WARS2: variants seen among roughly 807,000 people sequenced by gnomAD.
The protein encoded by WARS2 is tryptophan--tRNA ligase, mitochondrial.
In WARS2, 28 loss-of-function variants were observed where a neutral mutation model predicts 36.5. The observed-to-expected ratio is 0.77, with a 90% CI of 0.57 to 1.05. WARS2 has a LOEUF of 1.05. Ranked by LOEUF, WARS2 falls within the 50% of genes least tolerant of loss-of-function variation. The pLI, the probability that WARS2 is intolerant of heterozygous loss-of-function variation, is 0.00. For missense variants in WARS2, 435 were observed against 456.8 expected (o/e 0.95, Z 0.44); for synonymous variants, 174 against 178.4 (o/e 0.98, Z 0.20).
intron 1 of WARS2, among the ~76,000 whole-genome samples, chr1:119,138,283 T>C (rs1656655034): frequency 6.6e-6 from 1 of 152,158 alleles, no homozygotes; most frequent in Admixed American, 6.5e-5. Flanking sequence ...AAAAAGAAGA[T>C]ACATACAGGA....
At chr1:119,122,155 C>A (rs148548054) in intron 1 of WARS2, among the ~76,000 whole-genome samples, 60 of 152,240 alleles carry the variant, frequency 3.9e-4, no homozygotes, top group African/African-American at 1.4e-3. Context: ...TGACAAAGGA[C>A]TAATATCCAG....
chr1:119,044,316 C>T (rs1345477677), intron 3 of WARS2, among the ~76,000 whole-genome samples: 2 of 152,162 alleles, frequency 1.3e-5, no homozygotes, highest in African/African-American at 4.8e-5. Flanking sequence ...TCTTTAGATG[C>T]TGTTTTAAAG....
At chr1:119,124,561 A>G (rs1410239402) in intron 1 of WARS2, among the ~76,000 whole-genome samples, 2 of 151,970 alleles carry the variant, frequency 1.3e-5, no homozygotes, top group Admixed American at 1.3e-4. Context: ...AATATCCAGA[A>G]CCTGATCATG....
intron 2 of WARS2, among the ~76,000 whole-genome samples, chr1:119,076,029 A>G (rs1355521553): frequency 1.3e-5 from 2 of 152,232 alleles, no homozygotes; most frequent in African/African-American, 4.8e-5. Flanking sequence ...CAACAACACA[A>G]AGTAATCAGT....
At chr1:119,118,255 TAA>T (rs1406805375) in intron 1 of WARS2, among the ~76,000 whole-genome samples, 1 of 151,632 alleles carries the variant, frequency 6.6e-6, no homozygotes, top group Admixed American at 6.6e-5. Flanking sequence ...CTTCTGGAAA[TAA>T]AAGACACATT....
intron 1 of WARS2, among the ~76,000 whole-genome samples, chr1:119,128,995 G>A (rs587732239): frequency 1.3e-5 from 2 of 152,284 alleles, no homozygotes; most frequent in Admixed American, 1.3e-4. Context: ...AAATGGTGCA[G>A]GAGATGTCAT....
At chr1:119,109,409 T>C (rs1654467601) in intron 1 of WARS2, among the ~76,000 whole-genome samples, 1 of 152,012 alleles carries the variant, frequency 6.6e-6, no homozygotes, top group Non-Finnish European at 1.5e-5. Context: ...ATCATGTCTT[T>C]TTAGAGAATT....
At chr1:119,070,790 T>A (rs1193192336) in intron 2 of WARS2, among the ~76,000 whole-genome samples, 2 of 152,084 alleles carry the variant, frequency 1.3e-5, no homozygotes, top group Non-Finnish European at 2.9e-5. Flanking sequence ...AGCATTTTTT[T>A]ATAAATCTGA....
chr1:119,048,393 C>G (rs1186929161), intron 2 of WARS2, among the ~76,000 whole-genome samples: 1 of 152,200 alleles, frequency 6.6e-6, no homozygotes, highest in East Asian at 1.9e-4. Flanking sequence ...CATATAGTAA[C>G]TACTCAATAA....
rs1327809036 is a variant in WARS2, at chr1:119,031,468, A to C, written c.*1443T>G. 1.3e-5 allele frequency: 2 copies of C among 152,224 alleles called. No homozygotes were observed. The highest frequency in any genetic ancestry group is 2.9e-5 in the Non-Finnish European group (2 of 68,044). The allele number at this position is 152,224 out of a possible 1,614,324, so 9.4% of individuals were successfully genotyped here. ...CTGGGATGGGGCGTTTTGTGGATTA[A>C]CATGTGTTCTGACACAAGGACTACT... On this transcript the variant is annotated 3_prime_UTR_variant, in exon 6 of 6. Coordinates refer to ENST00000235521, the MANE Select transcript of WARS2 (RefSeq NM_015836.4).
chr1:119,120,627 G>C (rs958221994), intron 1 of WARS2, among the ~76,000 whole-genome samples: 1 of 152,012 alleles, frequency 6.6e-6, no homozygotes, highest in African/African-American at 2.4e-5. Context: ...TATCCCTGAT[G>C]AACATAGATG....
intron 1 of WARS2, chr1:119,139,846 CCTGA>C (rs1210906749): frequency 6.6e-6 from 1 of 152,136 alleles, no homozygotes; most frequent in African/African-American, 2.4e-5. Flanking sequence ...ATCCCCTCCC[CCTGA>C]CTTTTTTGCT....
At chr1:119,104,526 G>T (rs1443323480) in intron 1 of WARS2, among the ~76,000 whole-genome samples, 1 of 151,350 alleles carries the variant, frequency 6.6e-6, no homozygotes, top group Non-Finnish European at 1.5e-5. Flanking sequence ...TCTAATATGT[G>T]GCCCTGGTAT....
At chr1:119,105,687 G>A (rs1455333876) in intron 1 of WARS2, among the ~76,000 whole-genome samples, 3 of 152,180 alleles carry the variant, frequency 2.0e-5, no homozygotes, top group South Asian at 2.1e-4. Context: ...CTAGGTGAGC[G>A]GATCACTTGA....
At chr1:119,140,443 A>C (rs1308400042) in intron 1 of WARS2, 112 bp downstream of exon 1, 8 of 940,258 alleles carry the variant, frequency 8.5e-6, no homozygotes, top group South Asian at 5.0e-5. Context: ...TAGGCGAGGG[A>C]AGGCATGTAC....
At chr1:119,063,025 G>A (rs1354566773) in intron 2 of WARS2, 2 of 152,360 alleles carry the variant, frequency 1.3e-5, no homozygotes, top group African/African-American at 4.8e-5. Context: ...AGGAAGATAA[G>A]GGAGAGTTTG....
Position 119,061,148 on chromosome 1 carries a change from G to T in WARS2, c.348+15202C>A, listed in dbSNP as rs985845982. ...TCAATTTGTCATTTAAAATATTCAA[G>T]ATACTAGCCAAAATTATTAGACATA... On this transcript the variant is annotated intron_variant, in intron 2 of 5. Transcript: ENST00000235521. Among the ~76,000 whole-genome samples, 12 of 152,106 alleles carry T rather than the reference G, an allele frequency of 7.9e-5. No individual in the cohort carries two copies. In the East Asian group the frequency reaches 2.1e-3, roughly 27 times the overall value.
intron 1 of WARS2, among the ~76,000 whole-genome samples, chr1:119,080,049 C>T (rs902713100): frequency 8.5e-5 from 13 of 152,068 alleles, no homozygotes. Context: ...CTAACCAGCT[C>T]TGGATTCCTG....
chr1:119,087,443 T>C (rs1652757274), intron 1 of WARS2, among the ~76,000 whole-genome samples: 1 of 152,220 alleles, frequency 6.6e-6, no homozygotes, highest in Admixed American at 6.5e-5. Context: ...TAAAAATTGG[T>C]TCTTTGAAAC....
Sources: gnomAD v4.1 joint callset for allele counts (sites outside exome capture counted in the v4.1 genomes callset) on GRCh38, gnomAD v4.1.1 for gene constraint, MANE v1.5 for transcripts, NCBI Gene and HGNC (gene_info 2026-07-23, HGNC 2026-07-21) for gene names.